The following GABBR2 variants were observed in gnomAD, a reference collection of about 807,000 sequenced individuals.
GABBR2 encodes the protein gamma-aminobutyric acid type B receptor subunit 2.
In GABBR2, 23 loss-of-function variants were observed where a neutral mutation model predicts 105.6. That is an observed-to-expected ratio of 0.22 (90% CI 0.16 to 0.31). The LOEUF is 0.31. Among genes scored for constraint, GABBR2 ranks in the 10% least tolerant of loss-of-function variants. The pLI is 1.00. For missense variants in GABBR2, 734 were observed against 1,245.5 expected, an observed-to-expected ratio of 0.59 and a Z score of 6.18; for synonymous variants, 478 against 499.7, an observed-to-expected ratio of 0.96 and a Z score of 0.58.
At chr9:98,315,424 G>C (rs1830698285) in intron 13 of GABBR2, among the ~76,000 whole-genome samples, 1 of 152,220 alleles carries the variant, frequency 6.6e-6, no homozygotes, top group Admixed American at 6.5e-5. Context: ...GGTGGCAGGG[G>C]TTGGGATAGT....
chr9:98,606,626 ATG>A (rs1829426433), intron 1 of GABBR2, among the ~76,000 whole-genome samples: 1 of 151,668 alleles, frequency 6.6e-6, no homozygotes, highest in African/African-American at 2.4e-5. Flanking sequence ...GATTACAGGC[ATG>A]TGCCAACATG....
At chr9:98,596,027 G>A (rs1429894297) in intron 1 of GABBR2, among the ~76,000 whole-genome samples, 1 of 152,204 alleles carries the variant, frequency 6.6e-6, no homozygotes, top group Non-Finnish European at 1.5e-5. Flanking sequence ...CCCTTCCATG[G>A]GCTGAGCCAG....
intron 12 of GABBR2, among the ~76,000 whole-genome samples, chr9:98,370,168 T>C (rs1831753381): frequency 6.6e-6 from 1 of 152,116 alleles, no homozygotes; most frequent in Non-Finnish European, 1.5e-5. Flanking sequence ...GTGCCCCAGA[T>C]GTGGGCCATG....
chr9:98,339,538 C>T (rs561528840), intron 13 of GABBR2, among the ~76,000 whole-genome samples: 11 of 152,256 alleles, frequency 7.2e-5, no homozygotes, highest in Admixed American at 3.9e-4. Flanking sequence ...TAAGAGATGA[C>T]GGTGGTGTGG....
chr9:98,541,235 T>C (rs1828297607), intron 3 of GABBR2, among the ~76,000 whole-genome samples: 1 of 152,178 alleles, frequency 6.6e-6, no homozygotes, highest in Non-Finnish European at 1.5e-5. Context: ...AACAAATACA[T>C]TGAAAAAGTT....
intron 13 of GABBR2, among the ~76,000 whole-genome samples, chr9:98,351,176 A>AG (rs1263599787): frequency 6.6e-6 from 1 of 151,728 alleles, no homozygotes; most frequent in African/African-American, 2.4e-5. Context: ...GGCTTTTTAA[A>AG]AAAAATCCAT....
intron 13 of GABBR2, among the ~76,000 whole-genome samples, chr9:98,340,352 G>C (rs1297286298): frequency 6.6e-6 from 1 of 152,060 alleles, no homozygotes; most frequent in Non-Finnish European, 1.5e-5. Flanking sequence ...TTAAAACCAA[G>C]TGTTTGGAGG....
chr9:98,691,762 C>G (rs970089183), intron 1 of GABBR2, among the ~76,000 whole-genome samples: 1 of 152,188 alleles, frequency 6.6e-6, no homozygotes, highest in Non-Finnish European at 1.5e-5. Context: ...TCCCTCCTCC[C>G]ACAGGGTACT....
chr9:98,672,147 C>A (rs1376754083), intron 1 of GABBR2, among the ~76,000 whole-genome samples: 1 of 152,128 alleles, frequency 6.6e-6, no homozygotes, highest in African/African-American at 2.4e-5. Flanking sequence ...GTTGTGCAAC[C>A]AATTTCCAGA....
intron 1 of GABBR2, among the ~76,000 whole-genome samples, chr9:98,621,132 C>T (rs1829664912): frequency 6.6e-6 from 1 of 152,186 alleles, no homozygotes; most frequent in Non-Finnish European, 1.5e-5. Flanking sequence ...GCACTTTCTC[C>T]ATTATCTCCT....
chr9:98,407,256 G>C (rs1350311258), intron 7 of GABBR2, among the ~76,000 whole-genome samples: 1 of 152,092 alleles, frequency 6.6e-6, no homozygotes, highest in East Asian at 1.9e-4. Context: ...CTGAAGTCTT[G>C]GGAGAAAACC....
intron 13 of GABBR2, among the ~76,000 whole-genome samples, chr9:98,319,383 CA>C (rs1445300566): frequency 6.6e-6 from 1 of 151,914 alleles, no homozygotes; most frequent in Admixed American, 6.6e-5. Flanking sequence ...TCTGAGGCAA[CA>C]AAGCTAGAAG....
chr9:98,521,341 C>T (rs184500065), intron 3 of GABBR2, among the ~76,000 whole-genome samples: 5 of 152,230 alleles, frequency 3.3e-5, no homozygotes, highest in South Asian at 2.1e-4. Flanking sequence ...GATGTGCTGA[C>T]GAGACTGACC....
intron 1 of GABBR2, among the ~76,000 whole-genome samples, chr9:98,644,230 T>C (rs999232048): frequency 6.6e-6 from 1 of 152,162 alleles, no homozygotes; most frequent in Non-Finnish European, 1.5e-5. Context: ...CTGGCAAACA[T>C]AGACACATGA....
chr9:98,401,708 G>T (rs1282236353), intron 8 of GABBR2, among the ~76,000 whole-genome samples: 1 of 152,166 alleles, frequency 6.6e-6, no homozygotes, highest in Non-Finnish European at 1.5e-5. Flanking sequence ...AGAGGAAAAG[G>T]TTATTAAAAA....
intron 12 of GABBR2, among the ~76,000 whole-genome samples, chr9:98,364,356 G>T (rs761433460): frequency 5.9e-5 from 9 of 152,188 alleles, no homozygotes; most frequent in Non-Finnish European, 1.2e-4. Flanking sequence ...GGCTGTTTGA[G>T]CCCCCAGGCA....
chr9:98,385,505 A>AG lies in GABBR2; in HGVS notation c.1662+134_1662+135insC, dbSNP rs111409348. On this transcript the variant is annotated intron_variant, in intron 11 of 18. Transcript: ENST00000259455. ...ACACCGTTCTTCCCTGTTGAGTTGA[A>AG]AACTACTAAATGGGTTGTTCCCTGC... 73,947 of 710,054 alleles carry AG rather than the reference A, an allele frequency of 0.1. 4,549 individuals are homozygous for AG. Among genetic ancestry groups the AG allele is most frequent in the African/African-American group, 0.22 (12,621 of 56,178 alleles). 44.0% of individuals were successfully genotyped at this position (710,054 alleles called of 1,614,324 possible). A position where few individuals can be genotyped will look rare whatever the true frequency, so the allele number is the denominator to read the frequency against.
At chr9:98,334,481 G>T (rs1398334022) in intron 13 of GABBR2, among the ~76,000 whole-genome samples, 3 of 152,198 alleles carry the variant, frequency 2.0e-5, no homozygotes, top group Non-Finnish European at 2.9e-5. Flanking sequence ...TTCCTCTGAT[G>T]AATCTCTAAA....
At chr9:98,429,020 T>C (rs189508992) in intron 7 of GABBR2, among the ~76,000 whole-genome samples, 1 of 152,294 alleles carries the variant, frequency 6.6e-6, no homozygotes, top group East Asian at 1.9e-4. Flanking sequence ...AGACCATTGA[T>C]TTCATTTTAC....
Sources: gnomAD v4.1 joint callset for allele counts (sites outside exome capture counted in the v4.1 genomes callset) on GRCh38, gnomAD v4.1.1 for gene constraint, MANE v1.5 for transcripts, NCBI Gene and HGNC (gene_info 2026-07-23, HGNC 2026-07-21) for gene names.